Variants in RGL1 observed in about 807,000 individuals in gnomAD.
RGL1 encodes the protein ral guanine nucleotide dissociation stimulator-like 1.
A neutral mutation model predicts 95.2 loss-of-function variants in RGL1; 24 were observed. The ratio of observed to expected loss-of-function variants is 0.25; its 90% CI spans 0.18 to 0.35. The LOEUF (loss-of-function observed/expected upper bound fraction) is 0.35, where lower values mean the gene tolerates loss of function less well. Among genes scored for constraint, RGL1 ranks in the 10% least tolerant of loss-of-function variants. The pLI is 1.00. For synonymous variants in RGL1, 329 were observed against 344.9 expected (o/e 0.95, Z 0.51); for missense variants, 715 against 936.3 (o/e 0.76, Z 3.08).
rs562412619 is a variant in RGL1 at position 183,790,831 on chromosome 1, A to G, written c.133-15544A>G. Reference sequence around the variant, plus strand: ...TTCTGGAAATAAGTCATTAATTCTTATTACAGAAGTTTGAAATGAAGGCCA... The same window carrying G: ...TTCTGGAAATAAGTCATTAATTCTTGTTACAGAAGTTTGAAATGAAGGCCA... On this transcript the variant is annotated intron_variant, in intron 2 of 18. Transcript: ENST00000304685. Among the ~76,000 whole-genome samples, 41 of 152,232 alleles carry G rather than the reference A, an allele frequency of 2.7e-4. 1 individual carries two copies. The highest frequency in any genetic ancestry group is 9.6e-4 in the African/African-American group (40 of 41,538).
chr1:183,772,546 T>C (rs1659336831), intron 2 of RGL1, among the ~76,000 whole-genome samples: 1 of 152,192 alleles, frequency 6.6e-6, no homozygotes. Context: ...TTGAAAAACC[T>C]TCACTGGAAA....
chr1:183,670,538 G>A (rs1442672498), intron 1 of RGL1, among the ~76,000 whole-genome samples: 1 of 152,174 alleles, frequency 6.6e-6, no homozygotes, highest in East Asian at 1.9e-4. Flanking sequence ...TGAGCCTCTA[G>A]CAATCCATTA....
At chr1:183,784,795 A>C (rs7519596) in intron 2 of RGL1, among the ~76,000 whole-genome samples, 1 of 151,928 alleles carries the variant, frequency 6.6e-6, no homozygotes, top group African/African-American at 2.4e-5. Context: ...CAGGAAGATC[A>C]ATTTGATCCT....
intron 2 of RGL1, among the ~76,000 whole-genome samples, chr1:183,836,187 G>A (rs1663637278): frequency 6.6e-6 from 1 of 151,962 alleles, no homozygotes; most frequent in South Asian, 2.1e-4. Flanking sequence ...GGTTTTCTTA[G>A]AATTAATGTA....
intron 2 of RGL1, among the ~76,000 whole-genome samples, chr1:183,771,038 A>C (rs1377431569): frequency 6.6e-6 from 1 of 152,084 alleles, no homozygotes. Context: ...TGGGTTATAA[A>C]CCTTACCTTA....
intron 1 of RGL1, among the ~76,000 whole-genome samples, chr1:183,740,865 C>T (rs1440892538): frequency 2.0e-5 from 3 of 152,130 alleles, no homozygotes; most frequent in African/African-American, 7.2e-5. Flanking sequence ...AGTACTTACT[C>T]TGTGTGTGAT....
At chr1:183,641,969 A>G (rs1041549965) in intron 1 of RGL1, among the ~76,000 whole-genome samples, 4 of 152,244 alleles carry the variant, frequency 2.6e-5, no homozygotes, top group Non-Finnish European at 5.9e-5. Context: ...TTATTTTAGT[A>G]TCTTCCATGA....
chr1:183,646,431 A>G (rs922279971), intron 1 of RGL1: 7 of 151,786 alleles, frequency 4.6e-5, no homozygotes, highest in Admixed American at 1.3e-4. Context: ...ATATATATAT[A>G]TAAAGAAAAA....
chr1:183,655,132 T>C (rs902785731), intron 1 of RGL1, among the ~76,000 whole-genome samples: 13 of 152,228 alleles, frequency 8.5e-5, no homozygotes, highest in Admixed American at 3.9e-4. Flanking sequence ...GTAGAGATAT[T>C]ATGAGATTAT....
At chr1:183,824,054 T>C (rs897878702) in intron 2 of RGL1, among the ~76,000 whole-genome samples, 4 of 152,012 alleles carry the variant, frequency 2.6e-5, no homozygotes, top group Non-Finnish European at 4.4e-5. Context: ...TCTCAAGGTG[T>C]TGGGATTATG....
chr1:183,664,208 TATA>T (rs1297303866), intron 1 of RGL1, among the ~76,000 whole-genome samples: 4 of 135,882 alleles, frequency 2.9e-5, no homozygotes, highest in Non-Finnish European at 6.4e-5. Flanking sequence ...AAACTTAAAG[TATA>T]ATAATAATAA....
At chr1:183,685,585 T>C (rs1213135846) in intron 1 of RGL1, among the ~76,000 whole-genome samples, 2 of 152,220 alleles carry the variant, frequency 1.3e-5, no homozygotes, top group East Asian at 1.9e-4. Context: ...TCAAAAAGAT[T>C]ATAGTACATG....
At chr1:183,792,821 A>C (rs1253712830) in intron 2 of RGL1, among the ~76,000 whole-genome samples, 2 of 152,178 alleles carry the variant, frequency 1.3e-5, no homozygotes, top group African/African-American at 4.8e-5. Context: ...CAAAGGAAAG[A>C]CATTCCATGC....
At chr1:183,864,442 C>G (rs1248092211) in intron 3 of RGL1, among the ~76,000 whole-genome samples, 2 of 152,212 alleles carry the variant, frequency 1.3e-5, no homozygotes, top group Non-Finnish European at 2.9e-5. Context: ...TGCTTGCACC[C>G]ACCGTAATCT....
chr1:183,846,685 G>A (rs1664466086), intron 2 of RGL1, among the ~76,000 whole-genome samples: 1 of 152,140 alleles, frequency 6.6e-6, no homozygotes, highest in South Asian at 2.1e-4. Context: ...TTCAAGACCA[G>A]CCTGGCCAAC....
chr1:183,636,148 C>T, exon 1 of RGL1: 1 of 399,596 alleles, frequency 2.5e-6, no homozygotes, highest in Non-Finnish European at 4.4e-6. Context: ...GTGGCCTTGG[C>T]TTTTGCTGCA....
At chr1:183,761,444 C>CT (rs970988489) in intron 2 of RGL1, among the ~76,000 whole-genome samples, 7 of 152,162 alleles carry the variant, frequency 4.6e-5, no homozygotes, top group African/African-American at 1.7e-4. Flanking sequence ...AAAGGAATAT[C>CT]TTTTTTTCTA....
At chr1:183,703,008 C>T (rs1026501576) in intron 1 of RGL1, among the ~76,000 whole-genome samples, 2 of 152,162 alleles carry the variant, frequency 1.3e-5, no homozygotes, top group Admixed American at 6.6e-5. Flanking sequence ...TCTCGGTCTT[C>T]AGGGGGTACA....
At chr1:183,669,862 G>A (rs1368587536) in intron 1 of RGL1, among the ~76,000 whole-genome samples, 1 of 152,048 alleles carries the variant, frequency 6.6e-6, no homozygotes, top group Non-Finnish European at 1.5e-5. Flanking sequence ...AGAAAAAGGG[G>A]GAAAAACCCC....
Sources: gnomAD v4.1 joint callset for allele counts (sites outside exome capture counted in the v4.1 genomes callset) on GRCh38, gnomAD v4.1.1 for gene constraint, MANE v1.5 for transcripts, NCBI Gene and HGNC (gene_info 2026-07-23, HGNC 2026-07-21) for gene names.